The following BCAS3 variants were observed in gnomAD, a reference collection of about 807,000 sequenced individuals.
BCAS3 encodes BCAS3 microtubule associated cell migration factor, also known as BCAS4/BCAS3 fusion.
A neutral mutation model predicts 116.1 loss-of-function variants in BCAS3; 53 were observed. The observed-to-expected ratio is 0.46, with a 90% CI of 0.37 to 0.57. The LOEUF is 0.57. Among genes scored for constraint, BCAS3 ranks in the 20% least tolerant of loss-of-function variants. The pLI, the probability that BCAS3 is intolerant of heterozygous loss-of-function variation, is 0.00. For missense variants in BCAS3, 917 were observed against 1,165.4 expected, an observed-to-expected ratio of 0.79 and a Z score of 3.10; for synonymous variants, 391 against 408.2, an observed-to-expected ratio of 0.96 and a Z score of 0.51.
chr17:61,086,828 A>G (rs1186965629), intron 22 of BCAS3: 5 of 985,412 alleles, frequency 5.1e-6, no homozygotes, highest in African/African-American at 1.7e-5. Context: ...TTTATGAGTA[A>G]TTCTCTCTTC....
At position 61,027,181 on chromosome 17, in the gene BCAS3, G is replaced by A. The variant is rs146342643; in HGVS notation, c.1638-7485G>A. On this transcript the variant is annotated intron_variant, in intron 16 of 23. Coordinates refer to ENST00000407086, the MANE Select transcript of BCAS3 (RefSeq NM_017679.5). ...ATAGAAGAATTCTCTCATAATGCTCGTAAATATTACAAGACAAGGCTAACA... is the reference window on the plus strand; with the variant it reads ...ATAGAAGAATTCTCTCATAATGCTCATAAATATTACAAGACAAGGCTAACA... Among the ~76,000 whole-genome samples the A allele has an allele frequency of 2.9e-3, 435 of 150,668 alleles. 5 individuals carry two copies. Among genetic ancestry groups the A allele is most frequent in the Admixed American group, 5.1e-3 (77 of 15,108 alleles).
intron 10 of BCAS3, among the ~76,000 whole-genome samples, chr17:60,898,348 C>T (rs1170532517): frequency 1.3e-5 from 2 of 152,116 alleles, no homozygotes; most frequent in Admixed American, 6.5e-5. Flanking sequence ...TTTACATTTA[C>T]TTTCGTAGAG....
At chr17:61,238,501 G>T (rs563896859) in intron 22 of BCAS3, among the ~76,000 whole-genome samples, 1 of 152,100 alleles carries the variant, frequency 6.6e-6, no homozygotes, top group South Asian at 2.1e-4. Context: ...GATTACAGTT[G>T]TGAGCCACCA....
chr17:61,369,726 G>A (rs2058947790), intron 23 of BCAS3, among the ~76,000 whole-genome samples: 1 of 152,236 alleles, frequency 6.6e-6, no homozygotes, highest in African/African-American at 2.4e-5. Context: ...AAGGGAGGAA[G>A]AGGGGGAGCT....
intron 10 of BCAS3, chr17:60,891,689 C>G: frequency 2.2e-6 from 1 of 455,890 alleles, no homozygotes. Context: ...GGTACACGTG[C>G]ATGTTTGTTA....
At chr17:60,951,253 A>G (rs934448859) in intron 14 of BCAS3, among the ~76,000 whole-genome samples, 36 of 152,014 alleles carry the variant, frequency 2.4e-4, no homozygotes, top group Non-Finnish European at 4.7e-4. Context: ...CTCTTATTAT[A>G]TTGTCTAGGA....
At chr17:61,342,841 C>G (rs2057266371) in intron 22 of BCAS3, among the ~76,000 whole-genome samples, 1 of 151,766 alleles carries the variant, frequency 6.6e-6, no homozygotes, top group Non-Finnish European at 1.5e-5. Flanking sequence ...CCCCCGCCTC[C>G]TGGGTTCAAG....
At chr17:61,308,007 G>A (rs926262718) in intron 22 of BCAS3, among the ~76,000 whole-genome samples, 25 of 152,088 alleles carry the variant, frequency 1.6e-4, no homozygotes, top group Non-Finnish European at 3.2e-4. Flanking sequence ...ATAACCTTTC[G>A]TTTTATGTAT....
intron 7 of BCAS3, among the ~76,000 whole-genome samples, chr17:60,842,212 A>G (rs962889048): frequency 6.6e-6 from 1 of 152,252 alleles, no homozygotes; most frequent in Non-Finnish European, 1.5e-5. Context: ...CAACAAAAGT[A>G]AATGATAGGT....
intron 22 of BCAS3, among the ~76,000 whole-genome samples, chr17:61,221,752 A>T (rs1391079490): frequency 6.6e-6 from 1 of 152,190 alleles, no homozygotes. Flanking sequence ...AACCTGCAGA[A>T]GGCTACATAC....
At position 60,806,838 on chromosome 17, in the gene BCAS3, A is replaced by G. The variant is rs117539021; in HGVS notation, c.404-1166A>G. ...GAGCAGGCACAGAGCACCTTTTCAT[A>G]TGATTCAGAACCATTTATATTTCCT... On this transcript the variant is annotated intron_variant, in intron 6 of 23. Transcript: ENST00000407086. Among the ~76,000 whole-genome samples the G allele has an allele frequency of 1.5e-4, 23 of 152,240 alleles. No homozygotes were observed. The East Asian group carries it at 4.2e-3, about 28-fold the overall frequency.
Position 61,229,467 on chromosome 17 carries a change from T to C in BCAS3, c.2426-138860T>C, listed in dbSNP as rs1230087108. Among the ~76,000 whole-genome samples, 7 of 152,206 alleles carry C rather than the reference T, an allele frequency of 4.6e-5. No individual in the cohort carries two copies. The highest frequency in any genetic ancestry group is 2.0e-4 in the Admixed American group (3 of 15,282). ...TCGATGTAGACAGAACAGCCTTCTA[T>C]TGGAAGAAGATGCCATCTAGGACTT... On this transcript the variant is annotated intron_variant, in intron 22 of 23. Transcript: ENST00000407086. This position sits in a 1 kb window ranked among gnomAD's most constrained non-coding sequence, Gnocchi z 4.4.
rs2058122785 is a variant in BCAS3, at chr17:61,356,094, A to C, written c.2426-12233A>C. Among the ~76,000 whole-genome samples, 1 of 152,192 alleles carries C rather than the reference A, an allele frequency of 6.6e-6. No homozygotes were observed. Among genetic ancestry groups the C allele is most frequent in the Non-Finnish European group, 1.5e-5 (1 of 68,024 alleles). ...ACTGCAACCTCCGCCTCCCGGGTTC[A>C]AGTGATTCTCCTGCCTCAGCCTCCC... On this transcript the variant is annotated intron_variant, in intron 22 of 23. Transcript: ENST00000407086. The surrounding 1 kb of genome is among the most constrained non-coding windows in gnomAD (Gnocchi z 5.4).
At chr17:60,786,879 G>C (rs143826009) in intron 6 of BCAS3, among the ~76,000 whole-genome samples, 46 of 152,254 alleles carry the variant, frequency 3.0e-4, no homozygotes, top group African/African-American at 1.1e-3. Flanking sequence ...AACATTTGGA[G>C]TGAATTGGAT....
intron 22 of BCAS3, among the ~76,000 whole-genome samples, chr17:61,331,672 A>C (rs964678869): frequency 4.6e-5 from 7 of 152,220 alleles, no homozygotes; most frequent in Non-Finnish European, 7.3e-5. Context: ...GGAAGGAAAA[A>C]AAGAAAAAGG....
Position 61,365,415 on chromosome 17 carries a change from C to G in BCAS3, c.2426-2912C>G, listed in dbSNP as rs928524769. Among the ~76,000 whole-genome samples the G allele has an allele frequency of 6.6e-6, 1 of 152,144 alleles. No individual in the cohort carries two copies. The highest frequency in any genetic ancestry group is 2.4e-5 in the African/African-American group (1 of 41,436). ...GTGGCTCAATCTCGGCTCACTGCAA[C>G]CTCTGCCTCCCAGGTTCAAATGATT... On this transcript the variant is annotated intron_variant, in intron 22 of 23. Coordinates refer to ENST00000407086, the MANE Select transcript of BCAS3 (RefSeq NM_017679.5). This position sits in a 1 kb window ranked among gnomAD's most constrained non-coding sequence, Gnocchi z 4.6.
chr17:61,049,975 C>T lies in BCAS3; in HGVS notation c.2029+9083C>T, dbSNP rs965728558. On this transcript the variant is annotated intron_variant, in intron 19 of 23. Transcript: ENST00000407086. ...CCTCAAACTCCTGACCTCAGATGAT[C>T]GTCTACCTCGGCCTCCCAAAGTGTT... 3.9e-4 allele frequency among the ~76,000 whole-genome samples: 60 copies of T among 152,016 alleles called. 1 individual carries two copies. Among genetic ancestry groups the T allele is most frequent in the Admixed American group, 3.3e-3 (50 of 15,258 alleles).
chr17:60,921,385 G>A (rs941970478), intron 12 of BCAS3, among the ~76,000 whole-genome samples: 6 of 151,962 alleles, frequency 3.9e-5, no homozygotes, highest in South Asian at 2.1e-4. Context: ...AGGCCGAGGC[G>A]GGCGGATCAC....
chr17:60,934,786 A>G (rs544659077), intron 13 of BCAS3, among the ~76,000 whole-genome samples: 6 of 152,338 alleles, frequency 3.9e-5, no homozygotes, highest in African/African-American at 1.4e-4. Flanking sequence ...TATTATATAT[A>G]GTAAGGTGGG....
Sources: gnomAD v4.1 joint callset for allele counts (sites outside exome capture counted in the v4.1 genomes callset) on GRCh38, gnomAD v4.1.1 for gene constraint, Gnocchi (gnomAD v3.1) non-coding constraint, MANE v1.5 for transcripts, NCBI Gene and HGNC (gene_info 2026-07-23, HGNC 2026-07-21) for gene names.